The following CWC27 variants were observed in gnomAD, a reference collection of about 807,000 sequenced individuals.
CWC27 encodes the protein spliceosome-associated protein CWC27 homolog.
CWC27 carries 47 observed loss-of-function variants against 63.6 expected under a neutral mutation model. The observed-to-expected ratio is 0.74, with a 90% CI of 0.58 to 0.94. The LOEUF (loss-of-function observed/expected upper bound fraction) is 0.94, where lower values mean the gene tolerates loss of function less well. CWC27 is among the 40% of genes least tolerant of loss of function. The pLI is 0.00. For missense variants in CWC27, 495 were observed against 554.3 expected (o/e 0.89, Z 1.07); for synonymous variants, 175 against 179.8 (o/e 0.97, Z 0.22).
intron 9 of CWC27, among the ~76,000 whole-genome samples, chr5:64,802,891 GGTGA>G (rs1744535319): frequency 6.6e-6 from 1 of 152,194 alleles, no homozygotes; most frequent in Admixed American, 6.6e-5. Context: ...TAATATCATG[GGTGA>G]GTGACTAAAA....
At chr5:64,926,417 C>G (rs898533376) in intron 11 of CWC27, among the ~76,000 whole-genome samples, 1 of 151,198 alleles carries the variant, frequency 6.6e-6, no homozygotes. Context: ...ATCAGTAAGA[C>G]CTATTTTGCC....
At chr5:64,995,952 C>T (rs534196848) in intron 13 of CWC27, among the ~76,000 whole-genome samples, 1 of 152,252 alleles carries the variant, frequency 6.6e-6, no homozygotes, top group East Asian at 1.9e-4. Context: ...TGAATTGCAG[C>T]CCCAGTGCCA....
chr5:64,899,284 G>A (rs1199998001), intron 11 of CWC27, among the ~76,000 whole-genome samples: 1 of 152,164 alleles, frequency 6.6e-6, no homozygotes, highest in Non-Finnish European at 1.5e-5. Context: ...AAAATGAAGG[G>A]CAATAAGTAT....
At chr5:64,912,572 T>G (rs562038033) in intron 11 of CWC27, among the ~76,000 whole-genome samples, 1 of 151,968 alleles carries the variant, frequency 6.6e-6, no homozygotes, top group Admixed American at 6.6e-5. Context: ...ATGCATGTAG[T>G]GTAGGAAAGA....
intron 11 of CWC27, among the ~76,000 whole-genome samples, chr5:64,909,498 G>A (rs1747739491): frequency 6.6e-6 from 1 of 152,162 alleles, no homozygotes; most frequent in South Asian, 2.1e-4. Context: ...CTAGATTGGG[G>A]AAGTTCTCCT....
intron 10 of CWC27, among the ~76,000 whole-genome samples, chr5:64,837,618 T>A (rs1745690692): frequency 6.6e-6 from 1 of 152,032 alleles, no homozygotes; most frequent in Non-Finnish European, 1.5e-5. Flanking sequence ...TTAGCAAGAA[T>A]ATGAAGCAAG....
intron 11 of CWC27, among the ~76,000 whole-genome samples, chr5:64,934,885 T>A (rs1163432792): frequency 1.3e-5 from 2 of 152,196 alleles, no homozygotes; most frequent in Admixed American, 6.5e-5. Flanking sequence ...ATGTTTGTTG[T>A]CTGCATAAAT....
intron 13 of CWC27, among the ~76,000 whole-genome samples, chr5:64,990,455 C>CG (rs1749519389): frequency 1.2e-5 from 1 of 81,012 alleles, no homozygotes; most frequent in Admixed American, 1.2e-4. Flanking sequence ...TTAGTAGAGA[C>CG]GGGGTTTCAC....
At position 64,804,344 on chromosome 5, in the gene CWC27, C is replaced by A; in HGVS notation, c.896C>A (p.Ser299Ter). The A allele has an allele frequency of 6.2e-7, 1 of 1,612,792 alleles. No homozygotes were observed. Among genetic ancestry groups the A allele is most frequent in the South Asian group, 1.1e-5 (1 of 90,958 alleles). The change falls in exon 10 of 14, where the codon TCA (serine) becomes TAA (stop). Residue 299 changes from serine (S) to a stop codon, truncating the protein, a stop_gained. Transcript: ENST00000381070. LOFTEE classifies it high-confidence loss of function. ...AAGGACACAAGTGCGAATGTTAAAT[C>A]AGCTGGAGAAGGAGAAGTGGAGAAG... is the stretch of plus-strand genomic sequence containing the variant. ...LKKDTSANVK[S>*]AGEGEVEKKS...
At chr5:65,010,766 T>C (rs1749939659) in intron 13 of CWC27, among the ~76,000 whole-genome samples, 1 of 152,228 alleles carries the variant, frequency 6.6e-6, no homozygotes, top group Non-Finnish European at 1.5e-5. Context: ...TGTTGGATTT[T>C]CATATCATAA....
chr5:64,873,478 ATCT>A (rs1160288627), intron 10 of CWC27, among the ~76,000 whole-genome samples: 3 of 152,216 alleles, frequency 2.0e-5, no homozygotes, highest in South Asian at 4.1e-4. Context: ...GGTAGTGTAT[ATCT>A]TCTTTTAAGA....
intron 10 of CWC27, among the ~76,000 whole-genome samples, chr5:64,859,301 A>G (rs1746341327): frequency 6.6e-6 from 1 of 152,144 alleles, no homozygotes; most frequent in African/African-American, 2.4e-5. Flanking sequence ...TTATGTGGAA[A>G]GTGGTACAAA....
chr5:64,913,752 G>A (rs1217881888), intron 11 of CWC27, among the ~76,000 whole-genome samples: 1 of 151,958 alleles, frequency 6.6e-6, no homozygotes, highest in Non-Finnish European at 1.5e-5. Flanking sequence ...GGTAGATTCA[G>A]TACTGTAAAG....
intron 10 of CWC27, among the ~76,000 whole-genome samples, chr5:64,869,490 G>A (rs974443935): frequency 1.3e-5 from 2 of 152,006 alleles, no homozygotes; most frequent in Admixed American, 6.6e-5. Context: ...CTGCCAGGTG[G>A]TAACAGAGTA....
At chr5:65,005,175 C>G (rs1749819983) in intron 13 of CWC27, among the ~76,000 whole-genome samples, 1 of 148,628 alleles carries the variant, frequency 6.7e-6, no homozygotes, top group Admixed American at 6.7e-5. Flanking sequence ...AAGTTCCTAG[C>G]TGGCATGCAC....
At chr5:64,832,223 A>T (rs1745542437) in intron 10 of CWC27, among the ~76,000 whole-genome samples, 1 of 151,858 alleles carries the variant, frequency 6.6e-6, no homozygotes, top group Non-Finnish European at 1.5e-5. Context: ...CCATCAAGTT[A>T]TGCAGATCTT....
chr5:64,945,451 G>A (rs1308660138), intron 11 of CWC27, among the ~76,000 whole-genome samples: 1 of 152,114 alleles, frequency 6.6e-6, no homozygotes, highest in Non-Finnish European at 1.5e-5. Flanking sequence ...CTTTGATACT[G>A]AGCATTAAGT....
At chr5:64,797,534 AG>A (rs1261388755) in intron 7 of CWC27, among the ~76,000 whole-genome samples, 1 of 152,162 alleles carries the variant, frequency 6.6e-6, no homozygotes. Flanking sequence ...AATTAAACAC[AG>A]GTTCCTCCTA....
chr5:64,787,684 A>T (rs954173623), intron 6 of CWC27, among the ~76,000 whole-genome samples: 5 of 152,110 alleles, frequency 3.3e-5, no homozygotes, highest in Non-Finnish European at 7.4e-5. Context: ...AATATTCTAC[A>T]TTATTAATAC....
Sources: allele counts gnomAD v4.1 joint callset (sites outside exome capture counted in the v4.1 genomes callset), GRCh38; gene constraint gnomAD v4.1.1; transcripts MANE v1.5; gene names NCBI Gene and HGNC (gene_info 2026-07-23, HGNC 2026-07-21).